The following OLFML2A variants were observed in gnomAD, a reference collection of about 807,000 sequenced individuals.
OLFML2A encodes olfactomedin-like protein 2A.
In OLFML2A, 47 loss-of-function variants were observed where a neutral mutation model predicts 60.9. The observed-to-expected ratio is 0.77, with a 90% confidence interval of 0.61 to 0.98. The LOEUF is 0.98. Among genes scored for constraint, OLFML2A ranks in the 50% least tolerant of loss-of-function variants. The pLI is 0.00. For missense variants in OLFML2A, 922 were observed against 879.8 expected, an observed-to-expected ratio of 1.05 and a Z score of -0.61; for synonymous variants, 372 against 375.0, an observed-to-expected ratio of 0.99 and a Z score of 0.09.
chr9:124,810,167 C>T lies in OLFML2A; in HGVS notation c.1714C>T (p.Arg572Trp), dbSNP rs753469559. Residue 572 changes from arginine to tryptophan, a missense_variant, in exon 8 of 8, where the codon CGG becomes TGG. Coordinates refer to ENST00000373580, the MANE Select transcript of OLFML2A (RefSeq NM_182487.4). ...RETTWKTRLR[R>W]NSYGNCFLVC... ...GACCACGTGGAAGACACGGCTGCGG[C>T]GGAACTCCTACGGGAACTGCTTCCT... The T allele has an allele frequency of 8.6e-5, 138 of 1,613,768 alleles. 1 individual carries two copies. In the South Asian group the frequency reaches 1.0e-3, roughly 12 times the overall value.
At chr9:124,793,004 G>C (rs1023298522) in intron 2 of OLFML2A, among the ~76,000 whole-genome samples, 7 of 152,172 alleles carry the variant, frequency 4.6e-5, no homozygotes, top group African/African-American at 1.7e-4. Context: ...TCCCGCCCCC[G>C]TCTCTGTTTT....
intron 6 of OLFML2A, among the ~76,000 whole-genome samples, 187 bp downstream of exon 6, chr9:124,804,529 G>A (rs904653686): frequency 5.3e-5 from 8 of 152,014 alleles, no homozygotes; most frequent in African/African-American, 1.9e-4. Flanking sequence ...TTCAAGACCA[G>A]CCTGGCCAAC....
rs895756908 is a variant in OLFML2A, at chr9:124,781,768, C to T, written c.90+4408C>T. Among the ~76,000 whole-genome samples the T allele has an allele frequency of 2.7e-5, 4 of 149,248 alleles. No homozygotes were observed. The Admixed American group carries it at 2.7e-4, about 10-fold the overall frequency. On this transcript the variant is annotated intron_variant, in intron 1 of 7. Transcript: ENST00000373580. ...AAGATCGCGCCATTGCACTCCAGCCCGGGCAACAGAGCAAGAATCCGGCCA... is the reference window on the plus strand; with the variant it reads ...AAGATCGCGCCATTGCACTCCAGCCTGGGCAACAGAGCAAGAATCCGGCCA...
intron 4 of OLFML2A, chr9:124,800,880 C>T: frequency 6.6e-7 from 1 of 1,507,952 alleles, no homozygotes; most frequent in South Asian, 1.3e-5. Flanking sequence ...ATGGCATATC[C>T]TAGAGGTTGG....
chr9:124,795,098 CA>C lies in OLFML2A; in HGVS notation c.431del (p.Lys144ArgfsTer6). 1 of 1,606,582 alleles carries C rather than the reference CA, an allele frequency of 6.2e-7. No individual in the cohort carries two copies. Among genetic ancestry groups the C allele is most frequent in the Non-Finnish European group, 8.5e-7 (1 of 1,175,792 alleles). On this transcript the variant is annotated frameshift_variant, in exon 3 of 8. Coordinates refer to ENST00000373580, the MANE Select transcript of OLFML2A (RefSeq NM_182487.4). LOFTEE classifies it high-confidence loss of function. ...TGATGAAGGTGCACGCCTACGTCCACAAGGTGGCCTCCCAGATGAACACACT... is the reference window on the plus strand; with the variant it reads ...TGATGAAGGTGCACGCCTACGTCCACAGGTGGCCTCCCAGATGAACACACT... ...DLMKVHAYVH[K>X]VASQMNTLEE...
At chr9:124,780,718 G>A (rs776066925) in intron 1 of OLFML2A, among the ~76,000 whole-genome samples, 1 of 152,230 alleles carries the variant, frequency 6.6e-6, no homozygotes, top group Non-Finnish European at 1.5e-5. Context: ...GGCATCTGGG[G>A]CAGAGCCTTG....
chr9:124,796,041 C>T (rs1283762763), intron 3 of OLFML2A, among the ~76,000 whole-genome samples: 2 of 152,218 alleles, frequency 1.3e-5, no homozygotes, highest in African/African-American at 2.4e-5. Context: ...TTCCTGCATC[C>T]GGCCTCTGTT....
intron 1 of OLFML2A, among the ~76,000 whole-genome samples, chr9:124,778,227 G>A (rs889216269): frequency 6.6e-6 from 1 of 152,040 alleles, no homozygotes. Context: ...CAGGCATGGT[G>A]GTGGGCGCCT....
rs966557335 is a variant in OLFML2A, at chr9:124,813,302, C to T, written c.*2890C>T. On this transcript the variant is annotated 3_prime_UTR_variant, in exon 8 of 8. Coordinates refer to ENST00000373580, the MANE Select transcript of OLFML2A (RefSeq NM_182487.4). Reference sequence around the variant, plus strand: ...TGGCGCCTAGAACAGTTAGGTCGCTCGTCACATAGGCAGTTAAGTGGAGAA... The same window carrying T: ...TGGCGCCTAGAACAGTTAGGTCGCTTGTCACATAGGCAGTTAAGTGGAGAA... 17 of 152,180 alleles carry T rather than the reference C, an allele frequency of 1.1e-4. No individual in the cohort carries two copies. Among genetic ancestry groups the T allele is most frequent in the Admixed American group, 9.8e-4 (15 of 15,274 alleles). The allele number at this position is 152,180 out of a possible 1,614,324, so 9.4% of individuals were successfully genotyped here. A position where few individuals can be genotyped will look rare whatever the true frequency, so the allele number is the denominator to read the frequency against.
chr9:124,803,198 C>T (rs1297300456), intron 5 of OLFML2A, among the ~76,000 whole-genome samples: 1 of 151,662 alleles, frequency 6.6e-6, no homozygotes, highest in Non-Finnish European at 1.5e-5. Context: ...CATGAGCCAC[C>T]GCGCCCGGCC....
chr9:124,787,703 C>T (rs185777553), intron 2 of OLFML2A, among the ~76,000 whole-genome samples: 54 of 151,916 alleles, frequency 3.6e-4, no homozygotes, highest in African/African-American at 1.1e-3. Flanking sequence ...GGATTACAGA[C>T]GTGCACCACC....
intron 1 of OLFML2A, among the ~76,000 whole-genome samples, chr9:124,785,390 C>CTTTTTTTTTTTT (rs1171618111): frequency 4.5e-4 from 28 of 62,238 alleles, no homozygotes; most frequent in South Asian, 1.5e-3. Flanking sequence ...CATTTTCTTT[C>CTTTTTTTTTTTT]TTTTTTTTTT....
chr9:124,793,599 G>A (rs1251765890), intron 2 of OLFML2A, among the ~76,000 whole-genome samples: 1 of 152,162 alleles, frequency 6.6e-6, no homozygotes, highest in African/African-American at 2.4e-5. Context: ...GGTGGCCTTG[G>A]GCAAGTCACT....
chr9:124,794,264 C>T (rs948049304), intron 2 of OLFML2A, among the ~76,000 whole-genome samples: 2 of 152,204 alleles, frequency 1.3e-5, no homozygotes, highest in African/African-American at 4.8e-5. Flanking sequence ...TGCCTCAAGG[C>T]AGCTGCAAGA....
chr9:124,797,708 CT>C (rs1564285510), intron 3 of OLFML2A, among the ~76,000 whole-genome samples: 1 of 152,220 alleles, frequency 6.6e-6, no homozygotes, highest in Non-Finnish European at 1.5e-5. Flanking sequence ...CCCAGATCTA[CT>C]AGAGCTTTGG....
intron 4 of OLFML2A, chr9:124,800,994 G>T (rs1408378154): frequency 3.9e-6 from 6 of 1,550,268 alleles, no homozygotes; most frequent in East Asian, 2.4e-5. Flanking sequence ...GGGATGAGTT[G>T]GTCACCTTGC....
intron 6 of OLFML2A, 140 bp downstream of exon 6, chr9:124,804,482 G>A: frequency 1.2e-6 from 1 of 821,136 alleles, no homozygotes; most frequent in Non-Finnish European, 1.9e-6. Context: ...CCAGCACTTT[G>A]GGAGGCCAAG....
At chr9:124,809,236 C>G (rs1300275708) in intron 7 of OLFML2A, among the ~76,000 whole-genome samples, 1 of 152,108 alleles carries the variant, frequency 6.6e-6, no homozygotes, top group Non-Finnish European at 1.5e-5. Context: ...AATTGGCCGG[C>G]TTTCTGCTCA....
chr9:124,781,419 G>A (rs1255327322), intron 1 of OLFML2A, among the ~76,000 whole-genome samples: 5 of 152,110 alleles, frequency 3.3e-5, no homozygotes, highest in Non-Finnish European at 7.4e-5. Context: ...TGCCCAACTG[G>A]CTACTGTGCT....
Sources: gnomAD v4.1 joint callset for allele counts (sites outside exome capture counted in the v4.1 genomes callset) on GRCh38, gnomAD v4.1.1 for gene constraint, MANE v1.5 for transcripts, NCBI Gene and HGNC (gene_info 2026-07-23, HGNC 2026-07-21) for gene names.